MUC4: variants seen among roughly 807,000 people sequenced by gnomAD.
MUC4 encodes mucin-4.
In MUC4, 202 loss-of-function variants were observed where a neutral mutation model predicts 257.9. The observed-to-expected ratio is 0.78, with a 90% CI of 0.70 to 0.88. The LOEUF is 0.88. MUC4 is among the 40% of genes least tolerant of loss of function. MUC4 has a pLI of 0.00. For synonymous variants in MUC4, 2,351 were observed against 2,757.1 expected (o/e 0.85, Z 4.62); for missense variants, 5,976 against 6,513.7 (o/e 0.92, Z 2.84).
In MUC4 at chr3:195,770,294, G is replaced by T; in HGVS notation, c.13320C>A (p.Asn4440Lys). The T allele has an allele frequency of 6.2e-7, 1 of 1,614,030 alleles. No individual in the cohort carries two copies. Among genetic ancestry groups the T allele is most frequent in the Non-Finnish European group, 8.5e-7 (1 of 1,179,978 alleles). The part of the protein sequence containing the change: ...AESWIRKMTN[N>K]GGYKARWALK... ...GGGCCCACCTGGCCTTGTAGCCCCC[G>T]TTGTTTGTCATCTTTCTAATCCAAG... Residue 4440 changes from asparagine to lysine, a missense_variant, in exon 6 of 25, where the codon AAC (asparagine) becomes AAA (lysine). This residue lies in a region of MUC4 where 996 missense variants were observed against 1,137.3 expected (regional missense o/e 0.88). Transcript: ENST00000463781.
chr3:195,747,878 A>G (rs1003124799), intron 24 of MUC4, among the ~76,000 whole-genome samples: 4 of 152,162 alleles, frequency 2.6e-5, no homozygotes, highest in Non-Finnish European at 5.9e-5. Flanking sequence ...AAAAACAAAA[A>G]CCTGGTGTGA....
At chr3:195,759,065 ACT>A in intron 17 of MUC4, 57 bp downstream of exon 17, 2 of 1,594,136 alleles carry the variant, frequency 1.3e-6, no homozygotes, top group Admixed American at 1.7e-5. Flanking sequence ...CCCAAATTTG[ACT>A]CTGACCTCAT....
rs1730531817 is a variant in MUC4, at chr3:195,784,708, A to G, written c.6872T>C (p.Val2291Ala). The G allele has an allele frequency of 7.1e-7, 1 of 1,406,934 alleles. No homozygotes were observed. The highest frequency in any genetic ancestry group is 9.4e-7 in the Non-Finnish European group (1 of 1,063,356). The allele number at this position is 1,406,934 out of a possible 1,614,324, so 87.2% of individuals were successfully genotyped here. Residue 2291 changes from valine to alanine, a missense_variant, in exon 2 of 25, where the codon GTC (valine) becomes GCC (alanine). Val to Ala is a moderately conservative substitution (Grantham distance 64). This residue lies in a region of MUC4 where 62 missense variants were observed against 74.0 expected (regional missense o/e 0.84). Transcript: ENST00000463781. The part of the protein sequence containing the change: ...VSTGDTTPLP[V>A]TSPSSASTGH... ...TGTGGATGCTGAGGAAGGGCTAGTG[A>G]CAGGAAGAGGAGTGGTGTCACCTGT...
chr3:195,803,552 G>A (rs1296750190), intron 1 of MUC4, among the ~76,000 whole-genome samples: 1 of 152,230 alleles, frequency 6.6e-6, no homozygotes, highest in African/African-American at 2.4e-5. Context: ...TACTTCTCTC[G>A]TAGGCACGTT....
At chr3:195,767,463 TACCACC>T (rs1244582324) in intron 7 of MUC4, among the ~76,000 whole-genome samples, 2 of 37,272 alleles carry the variant, frequency 5.4e-5, no homozygotes, top group African/African-American at 9.4e-5. Context: ...CCACCAACAC[TACCACC>T]ACCATCACCA....
intron 19 of MUC4, chr3:195,754,007 A>G: frequency 3.2e-6 from 2 of 623,858 alleles, no homozygotes; most frequent in Non-Finnish European, 5.2e-6. Flanking sequence ...CACACCATCC[A>G]CCACCCCCTT....
rs148222509 is a variant in MUC4 at position 195,790,372 on chromosome 3, G to C, written c.1208C>G (p.Thr403Ser). ...TGATGTCTCCTCTGTGTTTCCAAGA[G>C]TAGAGTCTCTGGAGGTTGGCATTCT... ...VFRMPTSRDSTLGNTEETSLS... is the reference protein window; with the variant it reads ...VFRMPTSRDSSLGNTEETSLS... Residue 403 changes from threonine to serine, a missense_variant, in exon 2 of 25, where the codon ACT (threonine) becomes AGT (serine). Physicochemically the swap from Thr to Ser is moderately conservative, Grantham distance 58 (BLOSUM62 1). Coordinates refer to ENST00000463781, the MANE Select transcript of MUC4 (RefSeq NM_018406.7). 1 of 1,613,870 alleles carries C rather than the reference G, an allele frequency of 6.2e-7. No homozygotes were observed. The highest frequency in any genetic ancestry group is 1.1e-5 in the South Asian group (1 of 91,070).
rs377553218 is a variant in MUC4, at chr3:195,788,937, A to G, written c.2643T>C (p.Thr881=). 1 of 1,613,568 alleles carries G rather than the reference A, an allele frequency of 6.2e-7. No individual in the cohort carries two copies. ...TTGACTGTCCTGTCGGTCTCCCTGC[A>G]GTGGAGGCCTCAGAGAGGGTGGGAT... ...TFHPTLSEAS[T]AGRPTGQSSP... Residue 881 remains threonine, a synonymous_variant, in exon 2 of 25, where the codon ACT becomes ACC. Transcript: ENST00000463781.
rs879856102 is a variant in MUC4 at position 195,780,452 on chromosome 3, T to C, written c.11128A>G (p.Thr3710Ala). 101,430 of 721,256 alleles carry C rather than the reference T, an allele frequency of 0.14. 15,519 individuals are homozygous for C. The highest frequency in any genetic ancestry group is 0.3 in the East Asian group (6,517 of 21,828). The allele number at this position is 721,256 out of a possible 1,614,324, so 44.7% of individuals were successfully genotyped here. A position where few individuals can be genotyped will look rare whatever the true frequency, so the allele number is the denominator to read the frequency against. ...TIPSSSSSGH[T>A]TPLPVTSTSS... ...GTGCTGGTGACAGGAAGAGGGGTGG[T>C]GTGACCTGAGGATGATGAGGAAGGG... The change falls in exon 2 of 25, where the codon ACC (threonine) becomes GCC (alanine). Residue 3710 changes from threonine (T) to alanine (A), a missense_variant. Transcript: ENST00000463781.
intron 9 of MUC4, 22 bp downstream of exon 9, chr3:195,765,248 G>C: frequency 6.3e-7 from 1 of 1,597,940 alleles, no homozygotes; most frequent in South Asian, 1.1e-5. Flanking sequence ...TGGGCTTGTG[G>C]GGGGCGGGAA....
chr3:195,767,530 G>GCCACCACCATCATCATCACCATCACCA (rs1721005458), intron 7 of MUC4, among the ~76,000 whole-genome samples: 1 of 53,506 alleles, frequency 1.9e-5, no homozygotes, highest in Non-Finnish European at 3.4e-5. Flanking sequence ...CACCACCATC[G>GCCACCACCATCATCATCACCATCACCA]CCACCACCAT....
At position 195,788,585 on chromosome 3, in the gene MUC4, A is replaced by G. The variant is rs763932453; in HGVS notation, c.2995T>C (p.Ser999Pro). ...GTGGCGTGACCTGTGGATACTGAGG[A>G]AGCATCGGTGACATGAAGAGGGGTG... Reference protein sequence around the residue: ...HTTPLHVTDASSVSTGHATPL... With the variant: ...HTTPLHVTDAPSVSTGHATPL... Residue 999 changes from serine to proline, a missense_variant, in exon 2 of 25, where the codon TCC becomes CCC. Ser to Pro is a moderately conservative substitution (Grantham distance 74). Coordinates refer to ENST00000463781, the MANE Select transcript of MUC4 (RefSeq NM_018406.7). The G allele has an allele frequency of 6.4e-7, 1 of 1,569,636 alleles. No homozygotes were observed. The highest frequency in any genetic ancestry group is 1.4e-5 in the African/African-American group (1 of 73,960).
In MUC4 at chr3:195,786,524, G is replaced by C. The variant is rs200241020; in HGVS notation, c.5056C>G (p.Leu1686Val). 2.8e-6 allele frequency: 3 copies of C among 1,078,842 alleles called. No individual in the cohort carries two copies. The highest frequency in any genetic ancestry group is 3.1e-5 in the South Asian group (2 of 64,818). The allele number at this position is 1,078,842 out of a possible 1,614,324, so 66.8% of individuals were successfully genotyped here. ...GHATPLPVTG[L>V]SSATTDDTTR... ...GTGTCATCTGTGGTAGCTGAGGAAA[G>C]GCCGGTGACAGGAAGAGGGGTGGCG... is the stretch of plus-strand genomic sequence containing the variant. Residue 1686 changes from leucine to valine, a missense_variant, in exon 2 of 25, where the codon CTT becomes GTT. Physicochemically the swap from Leu to Val is conservative, Grantham distance 32 (BLOSUM62 1). Coordinates refer to ENST00000463781, the MANE Select transcript of MUC4 (RefSeq NM_018406.7).
At chr3:195,796,195 G>C (rs1196750804) in intron 1 of MUC4, among the ~76,000 whole-genome samples, 3 of 152,000 alleles carry the variant, frequency 2.0e-5, no homozygotes, top group Admixed American at 2.0e-4. Context: ...AGATTCTCCT[G>C]CTTCAGCCTC....
At position 195,782,789 on chromosome 3, in the gene MUC4, C is replaced by T; in HGVS notation, c.8791G>A (p.Val2931Ile). The change falls in exon 2 of 25, where the codon GTC (valine) becomes ATC (isoleucine). Residue 2931 changes from valine (V) to isoleucine (I), a missense_variant. By Grantham distance (29) the Val-to-Ile change is conservative. Transcript: ENST00000463781. Reference sequence around the variant, plus strand: ...GTGGATACTGAGGAAAGGCTGGTGACAGGAAGAGGGGTGGCCTGACCTGTG... The same window carrying T: ...GTGGATACTGAGGAAAGGCTGGTGATAGGAAGAGGGGTGGCCTGACCTGTG... ...ASTGQATPLP[V>I]TSLSSVSTGD... is the part of the protein sequence containing the mutation. 2 of 1,507,932 alleles carry T rather than the reference C, an allele frequency of 1.3e-6. No homozygotes were observed. The highest frequency in any genetic ancestry group is 2.5e-5 in the East Asian group (1 of 39,350). 93.4% of individuals were successfully genotyped at this position (1,507,932 alleles called of 1,614,324 possible).
rs1726676564 is a variant in MUC4, at chr3:195,780,071, GACCT to G, written c.11505_11508del (p.Gly3836ThrfsTer422). On this transcript the variant is annotated frameshift_variant, in exon 2 of 25. Coordinates refer to ENST00000463781, the MANE Select transcript of MUC4 (RefSeq NM_018406.7). LOFTEE classifies it high-confidence loss of function. ...ATGGTGACAGGAAGAGGGGTGGCGT[GACCT>G]GTGGATGCTGAGGAAGCGTCGGTGA... is the stretch of plus-strand genomic sequence containing the variant. 2 of 754,026 alleles carry G rather than the reference GACCT, an allele frequency of 2.7e-6. No individual in the cohort carries two copies. The highest frequency in any genetic ancestry group is 4.1e-5 in the African/African-American group (1 of 24,494). The allele number at this position is 754,026 out of a possible 1,614,324, so 46.7% of individuals were successfully genotyped here.
chr3:195,773,675 C>T (rs1162219229), intron 4 of MUC4, among the ~76,000 whole-genome samples: 3 of 127,088 alleles, frequency 2.4e-5, no homozygotes, highest in Non-Finnish European at 5.4e-5. Flanking sequence ...GACACCCTCT[C>T]GCCATCGCTC....
intron 21 of MUC4, 108 bp from the exon 22 acceptor site, chr3:195,751,379 G>A (rs1472201229): frequency 6.9e-6 from 6 of 866,146 alleles, no homozygotes; most frequent in Non-Finnish European, 5.7e-6. Flanking sequence ...TGGAACGGGA[G>A]CCCCAGGACC....
rs759821164 is a variant in MUC4 at position 195,789,071 on chromosome 3, C to T, written c.2509G>A (p.Asp837Asn). 1 of 1,613,488 alleles carries T rather than the reference C, an allele frequency of 6.2e-7. No homozygotes were observed. The highest frequency in any genetic ancestry group is 8.5e-7 in the Non-Finnish European group (1 of 1,179,684). ...TTRFSSNPSRDSHTTQSTTEL... is the reference protein window; with the variant it reads ...TTRFSSNPSRNSHTTQSTTEL... ...GTTGTTGACTGGGTTGTGTGACTGT[C>T]CCTGGAGGGGTTTGATGAAAACCTT... Residue 837 changes from aspartate (D) to asparagine (N), a missense_variant, in exon 2 of 25, where the codon GAC (aspartate) becomes AAC (asparagine). Transcript: ENST00000463781.
Sources: gnomAD v4.1 joint callset for allele counts (sites outside exome capture counted in the v4.1 genomes callset) on GRCh38, gnomAD v4.1.1 for gene constraint, gnomAD v4.1.1 regional missense constraint, MANE v1.5 for transcripts, NCBI Gene and HGNC (gene_info 2026-07-23, HGNC 2026-07-21) for gene names.